Variants in ADA2 observed in about 807,000 individuals in gnomAD.
ADA2 encodes the protein adenosine deaminase CECR1.
In ADA2, 29 loss-of-function variants were observed where a neutral mutation model predicts 44.2. The ratio of observed to expected loss-of-function variants is 0.66; its 90% CI spans 0.49 to 0.89. The LOEUF is 0.89. ADA2 is among the 40% of genes least tolerant of loss of function. ADA2 has a pLI of 0.00. For missense variants in ADA2, 637 were observed against 644.8 expected, an observed-to-expected ratio of 0.99 and a Z score of 0.13; for synonymous variants, 215 against 234.9, an observed-to-expected ratio of 0.92 and a Z score of 0.77.
chr22:17,203,494 T>G (rs2062315258), intron 4 of ADA2, 69 bp downstream of exon 4: 1 of 1,281,508 alleles, frequency 7.8e-7, no homozygotes, highest in Admixed American at 1.8e-5. Context: ...TTCAGTCTTC[T>G]ACCAGCTAAG....
At chr22:17,194,460 T>C (rs1271690612) in intron 4 of ADA2, among the ~76,000 whole-genome samples, 1 of 152,166 alleles carries the variant, frequency 6.6e-6, no homozygotes, top group East Asian at 1.9e-4. Flanking sequence ...CCCCCAGGCC[T>C]GCAGAACAGT....
upstream of ADA2, among the ~76,000 whole-genome samples, chr22:17,220,070 G>A (rs1157013884): frequency 6.6e-6 from 1 of 152,172 alleles, no homozygotes; most frequent in East Asian, 1.9e-4. Flanking sequence ...TTGGAAACAA[G>A]CACCGCAAAG....
At chr22:17,207,847 C>T (rs546334435) in intron 2 of ADA2, among the ~76,000 whole-genome samples, 8 of 152,244 alleles carry the variant, frequency 5.3e-5, no homozygotes, top group African/African-American at 1.7e-4. Context: ...AACTCCTCTC[C>T]CACTGGCTTT....
chr22:17,186,215 A>G (rs1405618491), intron 7 of ADA2, among the ~76,000 whole-genome samples: 1 of 152,182 alleles, frequency 6.6e-6, no homozygotes, highest in East Asian at 1.9e-4. Context: ...GGCTTTAGGC[A>G]GATCAGTTAA....
chr22:17,195,372 TACA>T (rs967419132), intron 4 of ADA2, among the ~76,000 whole-genome samples: 1 of 151,726 alleles, frequency 6.6e-6, no homozygotes, highest in Non-Finnish European at 1.5e-5. Context: ...CTACTAAAAA[TACA>T]ACAATTAGCC....
At chr22:17,201,297 T>C (rs2062283981) in intron 4 of ADA2, among the ~76,000 whole-genome samples, 1 of 152,186 alleles carries the variant, frequency 6.6e-6, no homozygotes. Flanking sequence ...CATTCTGACT[T>C]TCTTGTTTAC....
intron 5 of ADA2, among the ~76,000 whole-genome samples, chr22:17,191,216 G>A (rs548948728): frequency 3.3e-5 from 5 of 152,320 alleles, no homozygotes; most frequent in South Asian, 2.1e-4. Flanking sequence ...GCCAGGCCAC[G>A]CACATGGTAC....
chr22:17,193,306 G>A (rs2062144428), intron 4 of ADA2: 8 of 452,002 alleles, frequency 1.8e-5, no homozygotes, highest in Non-Finnish European at 2.9e-5. Flanking sequence ...CAAAGAAAAT[G>A]AGTAGACAGC....
chr22:17,182,879 CA>C, intron 7 of ADA2, 118 bp from the exon 8 acceptor site: 1 of 982,664 alleles, frequency 1.0e-6, no homozygotes, highest in Non-Finnish European at 1.5e-6. Flanking sequence ...CCCCCAAGCA[CA>C]AAAATGAAGA....
chr22:17,196,607 C>T (rs986529314), intron 4 of ADA2, among the ~76,000 whole-genome samples: 2 of 152,092 alleles, frequency 1.3e-5, no homozygotes, highest in Non-Finnish European at 2.9e-5. Flanking sequence ...CCCACACCCC[C>T]CAGCTAGATT....
intron 7 of ADA2, among the ~76,000 whole-genome samples, chr22:17,185,007 T>TATATATATATATATATATATA (rs1568969005): frequency 1.5e-5 from 2 of 136,556 alleles, no homozygotes; most frequent in Non-Finnish European, 3.2e-5. Context: ...TATATATATA[T>TATATATATATATATATATATA]GAAAACTCCA....
chr22:17,189,828 C>G (rs1462333893), intron 6 of ADA2, 114 bp downstream of exon 6: 7 of 723,728 alleles, frequency 9.7e-6, no homozygotes, highest in Middle Eastern at 5.7e-4. Flanking sequence ...CCTGGGATGT[C>G]AGGGTACCAA....
chr22:17,189,832 G>T, intron 6 of ADA2, 110 bp downstream of exon 6: 1 of 741,776 alleles, frequency 1.3e-6, no homozygotes, highest in Non-Finnish European at 2.3e-6. Flanking sequence ...GGATGTCAGG[G>T]TACCAACAGG....
In ADA2 at chr22:17,201,994, C is replaced by T. The variant is rs555182611; in HGVS notation, c.753+1569G>A. On this transcript the variant is annotated intron_variant, in intron 4 of 9. Coordinates refer to ENST00000399837, the MANE Select transcript of ADA2 (RefSeq NM_001282225.2). Reference sequence around the variant, plus strand: ...TTTTTTTTTTTTTTTTTTTTTGAGACGGAGTCTCGCTCTGTCATCCAGGCT... The same window carrying T: ...TTTTTTTTTTTTTTTTTTTTTGAGATGGAGTCTCGCTCTGTCATCCAGGCT... Among the ~76,000 whole-genome samples the T allele has an allele frequency of 7.9e-4, 87 of 110,106 alleles. 1 individual carries two copies. The East Asian group carries it at 0.02, about 26-fold the overall frequency. 72.2% of individuals were successfully genotyped at this position (110,106 alleles called of 152,430 possible). A position where few individuals can be genotyped will look rare whatever the true frequency, so the allele number is the denominator to read the frequency against.
In ADA2 at chr22:17,182,600, A is replaced by G. The variant is rs373692780; in HGVS notation, c.1239+4T>C. On this transcript the variant is annotated splice_donor_region_variant and intron_variant, in intron 8 of 9. Transcript: ENST00000399837. ...ATGGGATTAGCCACATGGGTCACAC[A>G]TACCTGGTTAGAGATGGGACAGACT... is the stretch of plus-strand genomic sequence containing the variant. 2 of 1,614,164 alleles carry G rather than the reference A, an allele frequency of 1.2e-6. No homozygotes were observed. Among genetic ancestry groups the G allele is most frequent in the African/African-American group, 1.3e-5 (1 of 75,060 alleles).
intron 1 of ADA2, chr22:17,214,186 C>A (rs2062447565): frequency 3.3e-6 from 2 of 608,596 alleles, no homozygotes; most frequent in Non-Finnish European, 6.0e-6. Flanking sequence ...GGAGCAGCAT[C>A]GAGGGTTGGC....
chr22:17,192,265 A>T (rs1027212776), intron 4 of ADA2, among the ~76,000 whole-genome samples: 10 of 152,064 alleles, frequency 6.6e-5, no homozygotes, highest in African/African-American at 2.4e-4. Context: ...CACTGCACTT[A>T]AAACAGCACA....
intron 2 of ADA2, among the ~76,000 whole-genome samples, chr22:17,207,791 C>T (rs970762980): frequency 3.9e-5 from 6 of 152,252 alleles, no homozygotes; most frequent in East Asian, 3.9e-4. Context: ...CCCAGGGCCA[C>T]GGTCCTTTTC....
chr22:17,202,715 C>A (rs1394444141), intron 4 of ADA2, among the ~76,000 whole-genome samples: 1 of 152,128 alleles, frequency 6.6e-6, no homozygotes, highest in African/African-American at 2.4e-5. Context: ...TTTAATCAGC[C>A]AAACCTGGCT....
Sources: allele counts gnomAD v4.1 joint callset (sites outside exome capture counted in the v4.1 genomes callset), GRCh38; gene constraint gnomAD v4.1.1; transcripts MANE v1.5; gene names NCBI Gene and HGNC (gene_info 2026-07-23, HGNC 2026-07-21).